The following PTPN23 variants were observed in gnomAD, a reference collection of about 807,000 sequenced individuals.
The protein encoded by PTPN23 is tyrosine-protein phosphatase non-receptor type 23.
In PTPN23, 72 loss-of-function variants were observed where a neutral mutation model predicts 156.3. The observed-to-expected ratio is 0.46, with a 90% confidence interval of 0.38 to 0.56. The LOEUF is 0.56. Ranked by LOEUF, PTPN23 falls within the 20% of genes least tolerant of loss-of-function variation. The pLI is 0.00. For missense variants in PTPN23, 1,974 were observed against 2,171.5 expected (o/e 0.91, Z 1.81); for synonymous variants, 957 against 899.6 (o/e 1.06, Z -1.14).
In PTPN23 at chr3:47,407,312, C is replaced by T. The variant is rs538360044; in HGVS notation, c.868C>T (p.Gln290Ter). 2.5e-6 allele frequency: 4 copies of T among 1,613,928 alleles called. No homozygotes were observed. The highest frequency in any genetic ancestry group is 1.3e-5 in the African/African-American group (1 of 75,014). The change falls in exon 11 of 25, where the codon CAG becomes TAG. Residue 290 changes from glutamine to a stop codon, truncating the protein, a stop_gained. Coordinates refer to ENST00000265562, the MANE Select transcript of PTPN23 (RefSeq NM_015466.4). LOFTEE classifies it high-confidence loss of function. This position sits in a 1 kb window ranked among gnomAD's most constrained non-coding sequence, Gnocchi z 4.0. ...ACCCCTGTCCCTAACCCCACAGGGCCAGCCTGACACTGTGCAAGACGCGCT... is the reference window on the plus strand; with the variant it reads ...ACCCCTGTCCCTAACCCCACAGGGCTAGCCTGACACTGTGCAAGACGCGCT... ...LNEAIKLAKG[Q>*]PDTVQDALRF...
chr3:47,404,926 G>T (rs1705087109), intron 3 of PTPN23, 79 bp from the exon 4 acceptor site: 1 of 1,594,416 alleles, frequency 6.3e-7, no homozygotes, highest in Non-Finnish European at 8.6e-7. Context: ...CCCCACAATG[G>T]GGTGTTTAGT....
chr3:47,396,086 C>CA, intron 1 of PTPN23, 57 bp from the exon 2 acceptor site: 2 of 1,438,800 alleles, frequency 1.4e-6, no homozygotes, highest in Non-Finnish European at 1.9e-6. Context: ...GCCCAGGACT[C>CA]AGAGGGCAAG....
Position 47,409,573 on chromosome 3 carries a change from G to T in PTPN23, c.1949+5G>T. ...ACTCAGCGACTTGGACCAAAAGTCA[G>T]TGCCCAGTCCTCTGCTCTTTCCCGG... On this transcript the variant is annotated splice_donor_5th_base_variant and intron_variant, in intron 18 of 24. Transcript: ENST00000265562. 2 of 1,613,218 alleles carry T rather than the reference G, an allele frequency of 1.2e-6. No homozygotes were observed.
rs1244545510 is a variant in PTPN23, at chr3:47,412,310, T to C, written c.4206T>C (p.Phe1402=). The C allele has an allele frequency of 6.2e-7, 1 of 1,613,408 alleles. No individual in the cohort carries two copies. Among genetic ancestry groups the C allele is most frequent in the Non-Finnish European group, 8.5e-7 (1 of 1,179,972 alleles). The change falls in exon 23 of 25, where the codon TTT becomes TTC. Residue 1402 remains phenylalanine (F), a synonymous_variant. Coordinates refer to ENST00000265562, the MANE Select transcript of PTPN23 (RefSeq NM_015466.4). Reference sequence around the variant, plus strand: ...CTGGTGTGGGCCGCACGGGAGCCTTTGCACTGCTCTATGCAGCTGTGCAGG... The same window carrying C: ...CTGGTGTGGGCCGCACGGGAGCCTTCGCACTGCTCTATGCAGCTGTGCAGG... ...CSSGVGRTGA[F]ALLYAAVQEV...
At chr3:47,388,664 C>CTTT (rs35817505) in intron 1 of PTPN23, among the ~76,000 whole-genome samples, 20 of 126,964 alleles carry the variant, frequency 1.6e-4, no homozygotes, top group East Asian at 4.6e-4. Context: ...ACTACTAGAT[C>CTTT]TTTTTTTTTT....
chr3:47,407,130 G>A lies in PTPN23; in HGVS notation c.808G>A (p.Val270Ile). 6.2e-7 allele frequency: 1 copy of A among 1,614,020 alleles called. No individual in the cohort carries two copies. The highest frequency in any genetic ancestry group is 8.5e-7 in the Non-Finnish European group (1 of 1,179,964). ...AEEQQKFGER[V>I]AYFQSALDKL... is the part of the protein sequence containing the mutation. ...CAGGCTTTCCTGCCACCCTCCACAG[G>A]TTGCATACTTCCAGAGCGCCCTGGA... The change falls in exon 10 of 25, where the codon GTT becomes ATT. Residue 270 changes from valine (V) to isoleucine (I), a missense_variant and splice_region_variant. By Grantham distance (29) the Val-to-Ile change is conservative (BLOSUM62 3). This residue lies in a region of PTPN23 where 726 missense variants were observed against 929.5 expected (regional missense o/e 0.78). Transcript: ENST00000265562. The surrounding 1 kb of genome is among the most constrained non-coding windows in gnomAD (Gnocchi z 4.0).
Position 47,408,894 on chromosome 3 carries a change from C to G in PTPN23, c.1449C>G (p.Ile483Met). Residue 483 changes from isoleucine (I) to methionine (M), a missense_variant, in exon 16 of 25, where the codon ATC (isoleucine) becomes ATG (methionine). This residue lies in a region of PTPN23 where 726 missense variants were observed against 929.5 expected (regional missense o/e 0.78). Coordinates refer to ENST00000265562, the MANE Select transcript of PTPN23 (RefSeq NM_015466.4). ...AGGCGGTGGGCCAGGCAGGGGCCAT[C>G]TCCATCACCTCCAAGGCTGAGCTGG... ...FQEAVGQAGA[I>M]SITSKAELAE... 6.2e-7 allele frequency: 1 copy of G among 1,614,240 alleles called. No individual in the cohort carries two copies. The highest frequency in any genetic ancestry group is 1.3e-5 in the African/African-American group (1 of 75,072).
chr3:47,403,200 C>G lies in PTPN23; in HGVS notation c.160-1452C>G, dbSNP rs183440700. On this transcript the variant is annotated intron_variant, in intron 2 of 24. Transcript: ENST00000265562. ...CCCTAGTAGCTGGGTCTACAGGTGC[C>G]TGCCACCACGTCCGGCTAATTTTTT... 3.9e-5 allele frequency among the ~76,000 whole-genome samples: 6 copies of G among 152,134 alleles called. No homozygotes were observed. The East Asian group carries it at 1.2e-3, about 29-fold the overall frequency.
intron 1 of PTPN23, among the ~76,000 whole-genome samples, chr3:47,388,150 G>A (rs897056113): frequency 1.3e-5 from 2 of 152,126 alleles, no homozygotes; most frequent in Non-Finnish European, 2.9e-5. Context: ...CTGAAACATG[G>A]AACTAATAAT....
Position 47,411,890 on chromosome 3 carries a change from C to T in PTPN23, c.3996C>T (p.Arg1332=), listed in dbSNP as rs765250574. Reference sequence around the variant, plus strand: ...GCAGCACCGAAACCCATGTGGAGCGCGTGCTGAGCCTGCAGTTCCGAGACC... The same window carrying T: ...GCAGCACCGAAACCCATGTGGAGCGTGTGCTGAGCCTGCAGTTCCGAGACC... ...SVRSTETHVE[R]VLSLQFRDQS... The change falls in exon 21 of 25, where the codon CGC becomes CGT. Residue 1332 remains arginine, a synonymous_variant. Transcript: ENST00000265562. The surrounding 1 kb of genome is among the most constrained non-coding windows in gnomAD (Gnocchi z 6.3). 19 of 1,613,346 alleles carry T rather than the reference C, an allele frequency of 1.2e-5. No individual in the cohort carries two copies. Among genetic ancestry groups the T allele is most frequent in the Non-Finnish European group, 1.5e-5 (18 of 1,180,020 alleles).
chr3:47,409,229 G>A lies in PTPN23; in HGVS notation c.1709G>A (p.Arg570His), dbSNP rs1489109445. Residue 570 changes from arginine (R) to histidine (H), a missense_variant, in exon 17 of 25, where the codon CGC (arginine) becomes CAC (histidine). Transcript: ENST00000265562. The stretch of plus-strand genomic sequence containing the variant: ...AAGGTGCAGGAGATGCGGGACCAGC[G>A]CGTGTCCCTGGAGCAGCAGCTGCGT... ...LAKVQEMRDQ[R>H]VSLEQQLREL... 3 of 1,614,158 alleles carry A rather than the reference G, an allele frequency of 1.9e-6. No individual in the cohort carries two copies. Among genetic ancestry groups the A allele is most frequent in the South Asian group, 1.1e-5 (1 of 91,082 alleles).
chr3:47,397,937 C>T (rs1704912603), intron 2 of PTPN23, among the ~76,000 whole-genome samples: 1 of 152,086 alleles, frequency 6.6e-6, no homozygotes, highest in Admixed American at 6.6e-5. Context: ...TCCCAAATTG[C>T]TGGGATTACA....
intron 1 of PTPN23, among the ~76,000 whole-genome samples, chr3:47,387,647 G>GA (rs1704683409): frequency 6.6e-6 from 1 of 151,818 alleles, no homozygotes; most frequent in South Asian, 2.1e-4. Flanking sequence ...TGGAACTGGA[G>GA]AAAAAAGAAA....
chr3:47,393,001 A>G (rs1297619267), intron 1 of PTPN23, among the ~76,000 whole-genome samples: 2 of 151,794 alleles, frequency 1.3e-5, no homozygotes, highest in Non-Finnish European at 1.5e-5. Flanking sequence ...TGGCTGATTC[A>G]TTTTTAAATT....
rs201260277 is a variant in PTPN23, at chr3:47,406,683, C to T, written c.760-20C>T. The T allele has an allele frequency of 2.7e-4, 439 of 1,613,984 alleles. No homozygotes were observed. Among genetic ancestry groups the T allele is most frequent in the East Asian group, 1.9e-3 (84 of 44,874 alleles). On this transcript the variant is annotated intron_variant, in intron 8 of 24. Transcript: ENST00000265562. The surrounding 1 kb of genome is among the most constrained non-coding windows in gnomAD (Gnocchi z 5.8). ...CCACAGCTCAGGAAGCAAGTCGTGG[C>T]GTCTCTTCTTCTTTCCCAGCTGCAC... is the stretch of plus-strand genomic sequence containing the variant.
intron 2 of PTPN23, 53 bp downstream of exon 2, chr3:47,396,270 A>T: frequency 1.4e-6 from 2 of 1,479,788 alleles, no homozygotes; most frequent in Non-Finnish European, 1.9e-6. Flanking sequence ...TTGGTTTGAT[A>T]GGGAGATAAA....
Position 47,406,603 on chromosome 3 carries a change from C to A in PTPN23, c.750C>A (p.Ala250=), listed in dbSNP as rs747289546. ...LVQMKIYYFA[A]VAHLHMGKQA... is the part of the protein sequence containing the mutation. ...AGATGAAGATCTACTACTTCGCAGC[C>A]GTGGCTCATGTGAGGGCCTGGGGCC... is the stretch of plus-strand genomic sequence containing the variant. Residue 250 remains alanine, a synonymous_variant, in exon 8 of 25, where the codon GCC becomes GCA. Coordinates refer to ENST00000265562, the MANE Select transcript of PTPN23 (RefSeq NM_015466.4). The surrounding 1 kb of genome is among the most constrained non-coding windows in gnomAD (Gnocchi z 5.8). 1.5e-5 allele frequency: 24 copies of A among 1,613,852 alleles called. No individual in the cohort carries two copies. The highest frequency in any genetic ancestry group is 1.9e-5 in the Non-Finnish European group (23 of 1,179,976).
chr3:47,412,253 C>A (rs763261316), intron 22 of PTPN23, 30 bp from the exon 23 acceptor site: 3 of 1,612,938 alleles, frequency 1.9e-6, no homozygotes, highest in South Asian at 2.2e-5. Context: ...TAGCCTCATA[C>A]CCCGGCCTCA....
chr3:47,412,121 G>C lies in PTPN23; in HGVS notation c.4101G>C (p.Leu1367Phe), dbSNP rs761077164. The C allele has an allele frequency of 1.9e-6, 3 of 1,613,142 alleles. No individual in the cohort carries two copies. Among genetic ancestry groups the C allele is most frequent in the Admixed American group, 3.3e-5 (2 of 60,030 alleles). The change falls in exon 22 of 25, where the codon TTG (leucine) becomes TTC (phenylalanine). Residue 1367 changes from leucine to phenylalanine, a missense_variant. This residue lies in a region of PTPN23 where 484 missense variants were observed against 516.0 expected (regional missense o/e 0.94). Transcript: ENST00000265562. ...ELGLPDSPSN[L>F]LRFIQEVHAH... is the part of the protein sequence containing the mutation. Reference sequence around the variant, plus strand: ...GCCTGCCCGACAGCCCCAGCAACTTGCTGCGCTTCATCCAGGAGGTGCACG... The same window carrying C: ...GCCTGCCCGACAGCCCCAGCAACTTCCTGCGCTTCATCCAGGAGGTGCACG...
Sources: allele counts gnomAD v4.1 joint callset (sites outside exome capture counted in the v4.1 genomes callset), GRCh38; gene constraint gnomAD v4.1.1; regional missense constraint gnomAD v4.1.1; non-coding constraint Gnocchi (gnomAD v3.1); transcripts MANE v1.5; gene names NCBI Gene and HGNC (gene_info 2026-07-23, HGNC 2026-07-21).